Variants in PCDH15 observed in about 807,000 individuals in gnomAD.
PCDH15 encodes the protein protocadherin related 15, also known as protocadherin-15.
In PCDH15, 129 loss-of-function variants were observed where a neutral mutation model predicts 178.5. That is an observed-to-expected ratio of 0.72 (90% CI 0.63 to 0.84). The LOEUF is 0.84. Among genes scored for constraint, PCDH15 ranks in the 40% least tolerant of loss-of-function variants. The pLI is 0.00. For missense variants in PCDH15, 2,230 were observed against 2,099.9 expected, an observed-to-expected ratio of 1.06 and a Z score of -1.21; for synonymous variants, 800 against 732.0, an observed-to-expected ratio of 1.09 and a Z score of -1.50.
At chr10:55,531,306 A>T (rs1329597294) in intron 2 of PCDH15, among the ~76,000 whole-genome samples, 1 of 151,976 alleles carries the variant, frequency 6.6e-6, no homozygotes. Context: ...ATCAAGTGTT[A>T]TCTATCTTAT....
intron 3 of PCDH15, among the ~76,000 whole-genome samples, chr10:54,816,243 G>A (rs1368889081): frequency 6.6e-6 from 1 of 152,038 alleles, no homozygotes; most frequent in Non-Finnish European, 1.5e-5. Context: ...TTAAATAAAT[G>A]GATGCAAGAG....
chr10:54,419,334 T>C (rs1293923547), intron 3 of PCDH15, among the ~76,000 whole-genome samples: 3 of 151,210 alleles, frequency 2.0e-5, no homozygotes, highest in Non-Finnish European at 2.9e-5. Flanking sequence ...AACAAACAAA[T>C]TTATCTAAAA....
chr10:54,389,380 C>T (rs1212862094), intron 3 of PCDH15, among the ~76,000 whole-genome samples: 1 of 152,072 alleles, frequency 6.6e-6, no homozygotes, highest in Non-Finnish European at 1.5e-5. Flanking sequence ...TTAATGTGCC[C>T]ATGAATCACC....
intron 11 of PCDH15, among the ~76,000 whole-genome samples, chr10:54,189,544 C>T (rs577626020): frequency 2.5e-4 from 38 of 151,980 alleles, no homozygotes; most frequent in South Asian, 1.0e-3. Context: ...AATGGAATAA[C>T]GATATTTATG....
chr10:53,931,332 A>G (rs939818935), intron 25 of PCDH15, among the ~76,000 whole-genome samples: 2 of 152,224 alleles, frequency 1.3e-5, no homozygotes, highest in African/African-American at 4.8e-5. Context: ...GGTGGATTGT[A>G]TGAGTGGTAT....
intron 2 of PCDH15, among the ~76,000 whole-genome samples, chr10:55,109,544 T>C (rs1298698679): frequency 2.0e-5 from 3 of 152,120 alleles, no homozygotes; most frequent in East Asian, 3.9e-4. Flanking sequence ...CTGAAACAAA[T>C]GAAAAATTGC....
chr10:54,161,559 T>C (rs2045712646), intron 13 of PCDH15, among the ~76,000 whole-genome samples: 1 of 150,476 alleles, frequency 6.6e-6, no homozygotes, highest in Non-Finnish European at 1.5e-5. Context: ...TGTTTACTGG[T>C]CTTTGAATAA....
At chr10:55,193,861 G>A (rs1305020167) in intron 1 of PCDH15, among the ~76,000 whole-genome samples, 1 of 151,876 alleles carries the variant, frequency 6.6e-6, no homozygotes, top group Admixed American at 6.6e-5. Flanking sequence ...TGAGAGTAGT[G>A]TTGCAGCTTG....
intron 2 of PCDH15, among the ~76,000 whole-genome samples, chr10:55,411,010 A>T (rs1838318167): frequency 6.6e-6 from 1 of 152,178 alleles, no homozygotes; most frequent in Non-Finnish European, 1.5e-5. Flanking sequence ...CTATTTTATA[A>T]GCAATTTTAA....
chr10:54,214,005 C>G lies in PCDH15; in HGVS notation c.1029G>C (p.Arg343Ser), dbSNP rs1489155255. 2 of 1,611,844 alleles carry G rather than the reference C, an allele frequency of 1.2e-6. No homozygotes were observed. Among genetic ancestry groups the G allele is most frequent in the Admixed American group, 3.3e-5 (2 of 59,990 alleles). Residue 343 changes from arginine to serine, a missense_variant, in exon 10 of 38, where the codon AGG becomes AGC. Transcript: ENST00000644397. The part of the protein sequence containing the change: ...DYPRFFHMHP[R>S]TAELSLLEPV... ...GCTCCAGGAGACTAAGTTCTGCTGT[C>G]CTAGGATGCATATGGAAAAATCGTG...
intron 25 of PCDH15, among the ~76,000 whole-genome samples, chr10:53,930,494 C>G (rs1431267233): frequency 7.4e-6 from 1 of 135,564 alleles, no homozygotes; most frequent in Non-Finnish European, 1.6e-5. Context: ...AAAGAAATAG[C>G]AACGCATTCA....
chr10:54,379,289 A>T (rs1342067466), intron 3 of PCDH15, among the ~76,000 whole-genome samples: 1 of 152,160 alleles, frequency 6.6e-6, no homozygotes, highest in Non-Finnish European at 1.5e-5. Context: ...TGCCTGTAAT[A>T]GCAGAGTCTG....
At chr10:55,251,196 T>C (rs887320145) in intron 1 of PCDH15, among the ~76,000 whole-genome samples, 5 of 152,168 alleles carry the variant, frequency 3.3e-5, no homozygotes, top group Admixed American at 2.0e-4. Flanking sequence ...CATTTGTGCT[T>C]GTGCTTGTGT....
At chr10:54,706,904 G>A (rs111977097) in intron 1 of PCDH15, among the ~76,000 whole-genome samples, 2,922 of 152,268 alleles carry the variant, frequency 0.019, 86 homozygotes, top group African/African-American at 0.065. Context: ...TTACAGGCAT[G>A]AGCCATGGCG....
At chr10:54,994,394 G>A (rs533278675) in intron 2 of PCDH15, among the ~76,000 whole-genome samples, 1 of 152,086 alleles carries the variant, frequency 6.6e-6, no homozygotes, top group East Asian at 1.9e-4. Flanking sequence ...GCAGTTGCCT[G>A]ATATAAAGAA....
At chr10:55,381,128 C>G (rs749841012) in intron 2 of PCDH15, among the ~76,000 whole-genome samples, 18 of 152,052 alleles carry the variant, frequency 1.2e-4, no homozygotes, top group Non-Finnish European at 1.9e-4. Context: ...TTACTCTCCT[C>G]CAGGCAGGAG....
At chr10:54,437,912 A>G (rs2136107071) in intron 3 of PCDH15, among the ~76,000 whole-genome samples, 1 of 152,312 alleles carries the variant, frequency 6.6e-6, no homozygotes, top group African/African-American at 2.4e-5. Context: ...ACCTTTAAAT[A>G]TGCTCGTTGG....
intron 1 of PCDH15, among the ~76,000 whole-genome samples, chr10:55,295,040 G>T (rs1213677679): frequency 6.6e-6 from 1 of 152,094 alleles, no homozygotes; most frequent in Non-Finnish European, 1.5e-5. Context: ...CACATTAGCT[G>T]CTATTTCAAA....
At chr10:55,466,462 C>G (rs140399684) in intron 2 of PCDH15, among the ~76,000 whole-genome samples, 18 of 152,234 alleles carry the variant, frequency 1.2e-4, no homozygotes, top group African/African-American at 4.1e-4. Flanking sequence ...ATATTAAACA[C>G]TTTCAGCGCC....
Sources: gnomAD v4.1 joint callset for allele counts (sites outside exome capture counted in the v4.1 genomes callset) on GRCh38, gnomAD v4.1.1 for gene constraint, MANE v1.5 for transcripts, NCBI Gene and HGNC (gene_info 2026-07-23, HGNC 2026-07-21) for gene names.